The following PRTG variants were observed in gnomAD, a reference collection of about 807,000 sequenced individuals.
PRTG encodes protogenin.
In PRTG, 67 loss-of-function variants were observed where a neutral mutation model predicts 122.5. The ratio of observed to expected loss-of-function variants is 0.55; its 90% CI spans 0.45 to 0.67. The LOEUF (loss-of-function observed/expected upper bound fraction) is 0.67. Ranked by LOEUF, PRTG falls within the 30% of genes least tolerant of loss-of-function variation. PRTG has a pLI of 0.00. For missense variants in PRTG, 1,435 were observed against 1,415.4 expected (o/e 1.01, Z -0.22); for synonymous variants, 554 against 501.1 (o/e 1.11, Z -1.41).
intron 7 of PRTG, among the ~76,000 whole-genome samples, chr15:55,678,978 T>G (rs2141809060): frequency 1.3e-5 from 2 of 152,310 alleles, no homozygotes; most frequent in Middle Eastern, 6.8e-3. Context: ...GCTAATATGC[T>G]TTCTTGTGGT....
At chr15:55,720,082 AAAG>A (rs2030755551) in intron 2 of PRTG, among the ~76,000 whole-genome samples, 2 of 151,264 alleles carry the variant, frequency 1.3e-5, no homozygotes, top group African/African-American at 2.4e-5. Context: ...AAAGAAAAGA[AAAG>A]AAAAAACTGT....
At position 55,612,827 on chromosome 15, in the gene PRTG, A is replaced by T. The variant is rs2059126779; in HGVS notation, c.*7185T>A. Reference sequence around the variant, plus strand: ...AATTCCCATTTTCTCTTATGATTTTATCCACCTAACATATGAGTGTTTCCA... The same window carrying T: ...AATTCCCATTTTCTCTTATGATTTTTTCCACCTAACATATGAGTGTTTCCA... On this transcript the variant is annotated 3_prime_UTR_variant, in exon 20 of 20. Coordinates refer to ENST00000389286, the MANE Select transcript of PRTG (RefSeq NM_173814.6). The T allele has an allele frequency of 6.7e-6, 1 of 150,198 alleles. No homozygotes were observed. The highest frequency in any genetic ancestry group is 2.1e-4 in the South Asian group (1 of 4,786). 9.3% of individuals were successfully genotyped at this position (150,198 alleles called of 1,614,324 possible).
chr15:55,738,480 C>G (rs375738982), intron 2 of PRTG: 4 of 701,126 alleles, frequency 5.7e-6, no homozygotes, highest in East Asian at 2.7e-5. Flanking sequence ...CTGGCCACCT[C>G]CACTATGTAC....
chr15:55,699,560 T>A (rs1471558029), intron 2 of PRTG, among the ~76,000 whole-genome samples: 1 of 152,192 alleles, frequency 6.6e-6, no homozygotes, highest in African/African-American at 2.4e-5. Flanking sequence ...TCAGTCCAAA[T>A]TCTCTTATAT....
intron 11 of PRTG, among the ~76,000 whole-genome samples, chr15:55,649,643 C>T (rs1020004751): frequency 4.6e-5 from 7 of 151,986 alleles, no homozygotes; most frequent in South Asian, 2.1e-4. Context: ...AAATTAGCCA[C>T]GTGTGGTGGT....
chr15:55,626,666 G>T (rs780809722), intron 17 of PRTG, among the ~76,000 whole-genome samples: 14 of 151,310 alleles, frequency 9.3e-5, no homozygotes, highest in Non-Finnish European at 2.1e-4. Flanking sequence ...ACTGAGGCAG[G>T]AGAATGGCAT....
rs2059152869 is a variant in PRTG, at chr15:55,619,047, T to C, written c.*965A>G. 2 of 152,094 alleles carry C rather than the reference T, an allele frequency of 1.3e-5. No individual in the cohort carries two copies. The highest frequency in any genetic ancestry group is 2.1e-4 in the South Asian group (1 of 4,814). 9.4% of individuals were successfully genotyped at this position (152,094 alleles called of 1,614,324 possible). On this transcript the variant is annotated 3_prime_UTR_variant, in exon 20 of 20. Coordinates refer to ENST00000389286, the MANE Select transcript of PRTG (RefSeq NM_173814.6). ...TTTCTTTAAAAATCCATATTCTGCATGGGGTTTTGCAACTAATACTGGCAA... is the reference window on the plus strand; with the variant it reads ...TTTCTTTAAAAATCCATATTCTGCACGGGGTTTTGCAACTAATACTGGCAA...
At chr15:55,675,417 T>C (rs1051420140) in intron 9 of PRTG, 102 bp downstream of exon 9, 1 of 858,400 alleles carries the variant, frequency 1.2e-6, no homozygotes, top group Non-Finnish European at 1.7e-6. Context: ...ACCTGTTTTT[T>C]AACCAAAAAG....
At chr15:55,654,258 T>C (rs1233605917) in intron 11 of PRTG, among the ~76,000 whole-genome samples, 2 of 152,136 alleles carry the variant, frequency 1.3e-5, no homozygotes, top group African/African-American at 4.8e-5. Context: ...CTCCTTTGGT[T>C]AGGGAAGAGA....
At chr15:55,739,217 T>C (rs1011239009) in intron 2 of PRTG, among the ~76,000 whole-genome samples, 2 of 152,034 alleles carry the variant, frequency 1.3e-5, no homozygotes, top group East Asian at 1.9e-4. Context: ...ATTTCAATTG[T>C]ATAGAACTTG....
intron 14 of PRTG, among the ~76,000 whole-genome samples, chr15:55,638,220 GATC>G (rs1329746943): frequency 2.0e-5 from 3 of 152,122 alleles, no homozygotes; most frequent in Non-Finnish European, 4.4e-5. Flanking sequence ...TGGCTCCTAA[GATC>G]ATTAACAAAC....
intron 18 of PRTG, among the ~76,000 whole-genome samples, chr15:55,623,875 T>C (rs1402530605): frequency 2.0e-5 from 3 of 152,206 alleles, no homozygotes; most frequent in African/African-American, 7.2e-5. Flanking sequence ...CCTATTTAGA[T>C]GCTCCATATT....
At chr15:55,672,095 G>A (rs2059475106) in intron 11 of PRTG, among the ~76,000 whole-genome samples, 2 of 152,188 alleles carry the variant, frequency 1.3e-5, no homozygotes, top group African/African-American at 4.8e-5. Flanking sequence ...CACTGAGTAT[G>A]ATTTGGTGAT....
At chr15:55,688,277 T>G (rs1171836173) in intron 2 of PRTG, among the ~76,000 whole-genome samples, 4 of 152,138 alleles carry the variant, frequency 2.6e-5, no homozygotes, top group Non-Finnish European at 4.4e-5. Context: ...TGCTCCTTGT[T>G]CTCCTTTTAT....
intron 15 of PRTG, among the ~76,000 whole-genome samples, chr15:55,629,513 C>T (rs1300206333): frequency 2.0e-5 from 3 of 151,486 alleles, no homozygotes; most frequent in Non-Finnish European, 4.4e-5. Flanking sequence ...GAAACATGCA[C>T]ACGAAAATAA....
intron 11 of PRTG, among the ~76,000 whole-genome samples, chr15:55,664,349 G>A (rs573874822): frequency 6.6e-6 from 1 of 151,982 alleles, no homozygotes; most frequent in South Asian, 2.1e-4. Flanking sequence ...CACCATGTTG[G>A]CCAAGCTGGT....
intron 2 of PRTG, among the ~76,000 whole-genome samples, chr15:55,691,159 G>A (rs2059598576): frequency 6.6e-6 from 1 of 152,038 alleles, no homozygotes; most frequent in Non-Finnish European, 1.5e-5. Context: ...AGCTGGGTGT[G>A]GTGGCAGGTG....
chr15:55,626,987 T>C (rs192353503), intron 17 of PRTG, 21 bp downstream of exon 17: 2 of 1,587,886 alleles, frequency 1.3e-6, no homozygotes, highest in Non-Finnish European at 8.5e-7. Context: ...CACCTCAACA[T>C]CTCTAGCAAT....
intron 2 of PRTG, among the ~76,000 whole-genome samples, chr15:55,729,111 G>A (rs1367717252): frequency 3.9e-5 from 6 of 152,270 alleles, no homozygotes; most frequent in African/African-American, 9.6e-5. Context: ...CACTACAGAT[G>A]AAAACAATTC....
Sources: allele counts gnomAD v4.1 joint callset (sites outside exome capture counted in the v4.1 genomes callset), GRCh38; gene constraint gnomAD v4.1.1; transcripts MANE v1.5; gene names NCBI Gene and HGNC (gene_info 2026-07-23, HGNC 2026-07-21).